Variants in LRP1B observed in about 807,000 individuals in gnomAD.
The protein encoded by LRP1B is LDL receptor related protein 1B, also known as low-density lipoprotein receptor-related protein 1B.
In LRP1B, 217 loss-of-function variants were observed where a neutral mutation model predicts 556.6. The observed-to-expected ratio is 0.39, with a 90% confidence interval of 0.35 to 0.44. The LOEUF (loss-of-function observed/expected upper bound fraction) is 0.44, where lower values mean the gene tolerates loss of function less well. Among genes scored for constraint, LRP1B ranks in the 20% least tolerant of loss-of-function variants. The pLI is 1.00. For missense variants in LRP1B, 5,053 were observed against 5,620.8 expected, an observed-to-expected ratio of 0.90 and a Z score of 3.23; for synonymous variants, 2,047 against 1,865.8, an observed-to-expected ratio of 1.10 and a Z score of -2.50.
At chr2:141,096,624 GAGGGGGAGA>G (rs1700314887) in intron 7 of LRP1B, among the ~76,000 whole-genome samples, 4 of 42,534 alleles carry the variant, frequency 9.4e-5, no homozygotes, top group African/African-American at 2.8e-4. Context: ...AAGACGGGGA[GAGGGGGAGA>G]GAGAGAGAGA....
chr2:141,168,705 C>T (rs1244747685), intron 7 of LRP1B, among the ~76,000 whole-genome samples: 1 of 151,816 alleles, frequency 6.6e-6, no homozygotes, highest in African/African-American at 2.4e-5. Context: ...AATCAGGAAC[C>T]CTAGAGAGAG....
chr2:142,057,990 A>C (rs1704741271), intron 1 of LRP1B, among the ~76,000 whole-genome samples: 3 of 152,146 alleles, frequency 2.0e-5, no homozygotes, highest in African/African-American at 7.2e-5. Context: ...TTTAATGTAC[A>C]TTTGCTGAAG....
At chr2:140,301,652 C>A (rs2105008405) in intron 83 of LRP1B, among the ~76,000 whole-genome samples, 1 of 151,748 alleles carries the variant, frequency 6.6e-6, no homozygotes. Context: ...GAAAACAGGC[C>A]AGAATGCTCA....
intron 3 of LRP1B, among the ~76,000 whole-genome samples, chr2:141,330,571 A>G (rs1301155045): frequency 6.6e-6 from 1 of 152,146 alleles, no homozygotes; most frequent in Non-Finnish European, 1.5e-5. Flanking sequence ...AACTCCAGAT[A>G]ACATATTTTT....
At chr2:141,336,023 T>C (rs985700044) in intron 3 of LRP1B, among the ~76,000 whole-genome samples, 9 of 145,422 alleles carry the variant, frequency 6.2e-5, no homozygotes, top group Non-Finnish European at 1.2e-4. Context: ...CTCGATGTTA[T>C]CTCAGATAGT....
chr2:141,238,201 T>C (rs1389437316), intron 5 of LRP1B, among the ~76,000 whole-genome samples: 1 of 152,180 alleles, frequency 6.6e-6, no homozygotes, highest in African/African-American at 2.4e-5. Context: ...AAGTGGCTAA[T>C]GGCTGCTTTA....
intron 1 of LRP1B, among the ~76,000 whole-genome samples, chr2:141,849,267 A>G (rs1394058850): frequency 6.6e-6 from 1 of 151,672 alleles, no homozygotes; most frequent in Non-Finnish European, 1.5e-5. Flanking sequence ...ATTGTCTACA[A>G]ATAATGAAAA....
At chr2:141,696,233 C>A (rs539004177) in intron 2 of LRP1B, among the ~76,000 whole-genome samples, 3 of 152,006 alleles carry the variant, frequency 2.0e-5, no homozygotes, top group South Asian at 4.1e-4. Flanking sequence ...AAGTACTACA[C>A]TGTTGAAATA....
chr2:141,066,335 A>G lies in LRP1B; in HGVS notation c.1014-4062T>C, dbSNP rs182435719. ...AGCCCCGTTTCACTACAGTCATATA[A>G]GTTTTATACAGTTGAGGATAGTAAG... On this transcript the variant is annotated intron_variant, in intron 7 of 90. Coordinates refer to ENST00000389484, the MANE Select transcript of LRP1B (RefSeq NM_018557.3). 1.2e-4 allele frequency among the ~76,000 whole-genome samples: 19 copies of G among 152,058 alleles called. No homozygotes were observed. The East Asian group carries it at 3.7e-3, about 30-fold the overall frequency.
chr2:140,625,482 C>T (rs1683623548), intron 41 of LRP1B, among the ~76,000 whole-genome samples: 2 of 152,044 alleles, frequency 1.3e-5, no homozygotes, highest in South Asian at 2.1e-4. Context: ...AAACATGCAT[C>T]TAATGAAGAA....
At chr2:140,462,748 T>G (rs772197424) in intron 60 of LRP1B, among the ~76,000 whole-genome samples, 2 of 152,108 alleles carry the variant, frequency 1.3e-5, no homozygotes, top group Non-Finnish European at 2.9e-5. Context: ...AACTAATATT[T>G]CTCATATTTT....
chr2:141,810,153 G>GAAAGAAAGAAGT, intron 2 of LRP1B, 126 bp downstream of exon 2: 2 of 436,744 alleles, frequency 4.6e-6, no homozygotes, highest in Non-Finnish European at 6.4e-6. Context: ...AAGAAAGAAA[G>GAAAGAAAGAAGT]AAAGAAAGAA....
chr2:140,329,181 C>T (rs1300675205), intron 79 of LRP1B, among the ~76,000 whole-genome samples: 1 of 152,004 alleles, frequency 6.6e-6, no homozygotes, highest in Non-Finnish European at 1.5e-5. Flanking sequence ...GGGTACCTCC[C>T]CTGTACCACA....
intron 3 of LRP1B, among the ~76,000 whole-genome samples, chr2:141,353,444 C>A (rs893662307): frequency 6.6e-6 from 1 of 151,970 alleles, no homozygotes; most frequent in Admixed American, 6.6e-5. Context: ...GCCTGATACA[C>A]TTTTGTATCC....
At chr2:141,940,089 G>A (rs1290905771) in intron 1 of LRP1B, among the ~76,000 whole-genome samples, 1 of 152,096 alleles carries the variant, frequency 6.6e-6, no homozygotes, top group African/African-American at 2.4e-5. Flanking sequence ...AGACTCAATT[G>A]CAGTGCAGTT....
intron 66 of LRP1B, among the ~76,000 whole-genome samples, chr2:140,421,732 A>C (rs1001562450): frequency 7.2e-5 from 11 of 152,190 alleles, no homozygotes; most frequent in African/African-American, 2.2e-4. Context: ...ACCTCTCATC[A>C]GCTTTCTAAG....
chr2:140,640,003 T>C (rs1684218545), intron 41 of LRP1B, among the ~76,000 whole-genome samples: 1 of 152,094 alleles, frequency 6.6e-6, no homozygotes, highest in Admixed American at 6.5e-5. Context: ...TGTTTTTTGT[T>C]TGTTTGTTTG....
At chr2:141,103,161 G>A (rs1417836111) in intron 7 of LRP1B, among the ~76,000 whole-genome samples, 1 of 151,212 alleles carries the variant, frequency 6.6e-6, no homozygotes, top group Non-Finnish European at 1.5e-5. Context: ...AAAAAAAAAA[G>A]GTAACTCTAA....
chr2:140,646,606 A>G (rs1318950784), intron 41 of LRP1B, among the ~76,000 whole-genome samples: 11 of 152,276 alleles, frequency 7.2e-5, no homozygotes, highest in African/African-American at 2.6e-4. Context: ...TAAAGTACAC[A>G]TATAGCATTC....
Sources: allele counts gnomAD v4.1 joint callset (sites outside exome capture counted in the v4.1 genomes callset), GRCh38; gene constraint gnomAD v4.1.1; transcripts MANE v1.5; gene names NCBI Gene and HGNC (gene_info 2026-07-23, HGNC 2026-07-21).